Variants in DACH2 observed in about 807,000 individuals in gnomAD.
The protein encoded by DACH2 is dachshund homolog 2.
Under a neutral mutation model 35.8 loss-of-function variants are expected in DACH2, and 17 were observed. The ratio of observed to expected loss-of-function variants is 0.48; its 90% CI spans 0.33 to 0.71. DACH2 has a LOEUF of 0.71. Ranked by LOEUF, DACH2 falls within the 30% of genes least tolerant of loss-of-function variation. The pLI, the probability that DACH2 is intolerant of heterozygous loss-of-function variation, is 0.02. For missense variants in DACH2, 469 were observed against 472.7 expected (o/e 0.99, Z 0.07); for synonymous variants, 195 against 177.3 (o/e 1.10, Z -0.79).
At chrX:86,211,947 ATAGTT>A (rs2032455081) in intron 1 of DACH2, among the ~76,000 whole-genome samples, 1 of 111,629 alleles carries the variant, frequency 9.0e-6, no homozygotes, top group African/African-American at 3.2e-5. Flanking sequence ...CATTTTATAG[ATAGTT>A]TATTGTTTAC....
chrX:86,654,196 A>AAC (rs1556357872), intron 4 of DACH2, among the ~76,000 whole-genome samples: 3 of 102,798 alleles, frequency 2.9e-5, no homozygotes, highest in African/African-American at 7.5e-5. Context: ...GTAAAAAAAA[A>AAC]AAAAAAAAAA....
At chrX:86,719,932 C>CTTTTT (rs57079697) in intron 6 of DACH2, among the ~76,000 whole-genome samples, 5 of 75,588 alleles carry the variant, frequency 6.6e-5, no homozygotes, top group Non-Finnish European at 7.3e-5. Context: ...TTTCTTTTTT[C>CTTTTT]TTTTTTTTTT....
chrX:86,344,419 A>G (rs1463103228), intron 1 of DACH2, among the ~76,000 whole-genome samples: 2 of 108,376 alleles, frequency 1.8e-5, no homozygotes, highest in Non-Finnish European at 3.8e-5. Flanking sequence ...TATCCTCTAC[A>G]TTATTAATTT....
At chrX:86,602,731 TAATCA>T (rs367875416) in intron 3 of DACH2, among the ~76,000 whole-genome samples, 2 of 112,093 alleles carry the variant, frequency 1.8e-5, no homozygotes, top group African/African-American at 6.5e-5. Context: ...TACAATTTAT[TAATCA>T]GATATATCCT....
intron 1 of DACH2, among the ~76,000 whole-genome samples, chrX:86,251,581 C>T (rs1327872582): frequency 2.7e-5 from 3 of 111,650 alleles, no homozygotes; most frequent in African/African-American, 9.8e-5. Context: ...TGAGTGAGAA[C>T]ATACGATGTT....
intron 3 of DACH2, among the ~76,000 whole-genome samples, chrX:86,635,841 G>A (rs7056921): frequency 0.13 from 13,858 of 110,832 alleles, 751 homozygotes; most frequent in East Asian, 0.33. Flanking sequence ...TAAGATCCCT[G>A]TAGGAAGAAC....
intron 1 of DACH2, among the ~76,000 whole-genome samples, chrX:86,286,661 AATTTT>A (rs1213128757): frequency 9.0e-6 from 1 of 110,878 alleles, no homozygotes; most frequent in Non-Finnish European, 1.9e-5. Flanking sequence ...GGGAATTGCA[AATTTT>A]ATTTTATAAA....
At chrX:86,591,959 G>A (rs1018902796) in intron 3 of DACH2, among the ~76,000 whole-genome samples, 5 of 111,472 alleles carry the variant, frequency 4.5e-5, no homozygotes, top group African/African-American at 1.6e-4. Flanking sequence ...TCTGGCCTGT[G>A]GCTTGTCTTT....
At chrX:86,176,127 C>G (rs1198285241) in intron 1 of DACH2, among the ~76,000 whole-genome samples, 2 of 110,698 alleles carry the variant, frequency 1.8e-5, no homozygotes, top group Non-Finnish European at 3.8e-5. Flanking sequence ...GCAAGAGGGG[C>G]AGAAGAATTG....
At chrX:86,312,848 C>A (rs1234384804) in intron 1 of DACH2, among the ~76,000 whole-genome samples, 1 of 111,191 alleles carries the variant, frequency 9.0e-6, no homozygotes, top group East Asian at 2.8e-4. Context: ...TTAGTTCTGT[C>A]CCTCTCAGAG....
chrX:86,467,529 AT>A (rs1034762477), intron 2 of DACH2, among the ~76,000 whole-genome samples: 1 of 110,842 alleles, frequency 9.0e-6, no homozygotes, highest in African/African-American at 3.3e-5. Flanking sequence ...ACTTTCCCAC[AT>A]TTTTCTGTAT....
chrX:86,546,394 TCTTCTTCTTC>T (rs2038965200), intron 3 of DACH2, among the ~76,000 whole-genome samples: 13 of 76,956 alleles, frequency 1.7e-4, no homozygotes, highest in African/African-American at 7.0e-4. Context: ...TTCTTCTTCT[TCTTCTTCTTC>T]CTTCTTCTTC....
intron 3 of DACH2, among the ~76,000 whole-genome samples, chrX:86,631,869 A>C (rs2040204929): frequency 9.0e-6 from 1 of 111,570 alleles, no homozygotes; most frequent in Non-Finnish European, 1.9e-5. Context: ...AGGACTGTAG[A>C]TCACATAAAG....
At chrX:86,168,752 C>T (rs1156268776) in intron 1 of DACH2, among the ~76,000 whole-genome samples, 1 of 109,255 alleles carries the variant, frequency 9.2e-6, no homozygotes, top group Non-Finnish European at 1.9e-5. Flanking sequence ...AAAAACTACA[C>T]TTTGCATTAA....
chrX:86,666,753 G>C (rs1281918938), intron 4 of DACH2, among the ~76,000 whole-genome samples: 1 of 111,709 alleles, frequency 9.0e-6, no homozygotes, highest in African/African-American at 3.3e-5. Flanking sequence ...GAAAAAGAGA[G>C]GTGTGGCAAT....
chrX:86,319,211 G>A (rs1038699000), intron 1 of DACH2, among the ~76,000 whole-genome samples: 1 of 112,100 alleles, frequency 8.9e-6, no homozygotes, highest in Non-Finnish European at 1.9e-5. Flanking sequence ...GTTTCACACA[G>A]AGTTTCCTTT....
At chrX:86,704,246 T>C (rs1341554721) in intron 5 of DACH2, among the ~76,000 whole-genome samples, 1 of 111,344 alleles carries the variant, frequency 9.0e-6, no homozygotes, top group Non-Finnish European at 1.9e-5. Flanking sequence ...TAACCATGTG[T>C]AGAAGAATGA....
chrX:86,178,664 A>G (rs2031381478), intron 1 of DACH2, among the ~76,000 whole-genome samples: 1 of 111,271 alleles, frequency 9.0e-6, no homozygotes, highest in African/African-American at 3.3e-5. Flanking sequence ...AATGCTTTCT[A>G]CTTTCTAGAT....
intron 1 of DACH2, among the ~76,000 whole-genome samples, chrX:86,159,606 CA>C (rs1489381222): frequency 9.0e-6 from 1 of 111,619 alleles, no homozygotes; most frequent in Non-Finnish European, 1.9e-5. Context: ...TGATATTTTC[CA>C]ATTCAATTCA....
Sources: gnomAD v4.1 joint callset for allele counts (sites outside exome capture counted in the v4.1 genomes callset) on GRCh38, gnomAD v4.1.1 for gene constraint, MANE v1.5 for transcripts, NCBI Gene and HGNC (gene_info 2026-07-23, HGNC 2026-07-21) for gene names.